Variants in PCDH11X observed in about 807,000 individuals in gnomAD.
The protein encoded by PCDH11X is protocadherin-11 X-linked.
In PCDH11X, 18 loss-of-function variants were observed where a neutral mutation model predicts 53.3. The observed-to-expected ratio is 0.34, with a 90% CI of 0.23 to 0.50. The LOEUF (loss-of-function observed/expected upper bound fraction) is 0.50. Among genes scored for constraint, PCDH11X ranks in the 20% least tolerant of loss-of-function variants. The pLI, the probability that PCDH11X is intolerant of heterozygous loss-of-function variation, is 0.98. For synonymous variants in PCDH11X, 279 were observed against 393.3 expected (o/e 0.71, Z 3.44); for missense variants, 570 against 1,032.4 (o/e 0.55, Z 6.14).
At chrX:92,196,671 A>G (rs1006908294) in intron 6 of PCDH11X, among the ~76,000 whole-genome samples, 6 of 111,759 alleles carry the variant, frequency 5.4e-5, no homozygotes, top group African/African-American at 1.9e-4. Context: ...AACAAATTTC[A>G]GGTGCTTCAT....
At chrX:92,269,570 T>A (rs1019398212) in intron 8 of PCDH11X, among the ~76,000 whole-genome samples, 1 of 111,850 alleles carries the variant, frequency 8.9e-6, no homozygotes, top group African/African-American at 3.2e-5. Flanking sequence ...ACAATTTTTG[T>A]AACCTCAATA....
chrX:92,110,050 C>T (rs1366838748), intron 6 of PCDH11X, among the ~76,000 whole-genome samples: 23 of 112,189 alleles, frequency 2.1e-4, no homozygotes, highest in African/African-American at 7.4e-4. Context: ...CTTTAAGTTA[C>T]TTCATAATTG....
Position 91,972,622 on chromosome X carries a change from T to A in PCDH11X, c.3033+93349T>A, listed in dbSNP as rs1398602757. Among the ~76,000 whole-genome samples the A allele has an allele frequency of 1.6e-4, 17 of 106,304 alleles. No homozygotes were observed. In the East Asian group the frequency reaches 3.9e-3, roughly 24 times the overall value. The allele number at this position is 106,304 out of a possible 115,157, so 92.3% of individuals were successfully genotyped here. A position where few individuals can be genotyped will look rare whatever the true frequency, so the allele number is the denominator to read the frequency against. On this transcript the variant is annotated intron_variant, in intron 6 of 10. Transcript: ENST00000682573. ...CTTTAATCCATCTTGAATTGATTTTTGTATAAGGTGTAAGGAAGGGATCCA... is the reference window on the plus strand; with the variant it reads ...CTTTAATCCATCTTGAATTGATTTTAGTATAAGGTGTAAGGAAGGGATCCA...
At chrX:92,286,036 C>T (rs936025421) in intron 8 of PCDH11X, among the ~76,000 whole-genome samples, 4 of 112,038 alleles carry the variant, frequency 3.6e-5, no homozygotes, top group Admixed American at 9.5e-5. Context: ...TTTTCCGCCC[C>T]GGGTGGGCCA....
intron 6 of PCDH11X, among the ~76,000 whole-genome samples, chrX:92,150,833 C>T (rs895014760): frequency 1.7e-4 from 19 of 109,515 alleles, no homozygotes; most frequent in Non-Finnish European, 3.4e-4. Flanking sequence ...TTTCACGTTC[C>T]AATTATTTGG....
intron 4 of PCDH11X, among the ~76,000 whole-genome samples, chrX:91,823,533 C>T (rs144838956): frequency 0.12 from 13,651 of 110,549 alleles, 2,081 homozygotes; most frequent in African/African-American, 0.42. Flanking sequence ...CTTGGTAGAT[C>T]TTCCTCTATC....
At chrX:91,933,471 T>C (rs1168435067) in intron 6 of PCDH11X, among the ~76,000 whole-genome samples, 1 of 111,468 alleles carries the variant, frequency 9.0e-6, no homozygotes, top group Non-Finnish European at 1.9e-5. Flanking sequence ...CTACAATGCA[T>C]TTTTTCAACC....
intron 5 of PCDH11X, among the ~76,000 whole-genome samples, chrX:91,846,222 A>T (rs937980372): frequency 8.9e-6 from 1 of 112,057 alleles, no homozygotes; most frequent in African/African-American, 3.2e-5. Flanking sequence ...GAATTTAGTG[A>T]CACAATTATT....
chrX:92,286,623 A>T (rs1367863133), intron 8 of PCDH11X, among the ~76,000 whole-genome samples: 1 of 92,177 alleles, frequency 1.1e-5, no homozygotes, highest in African/African-American at 4.0e-5. Context: ...TTTTGAACTG[A>T]TGACTAGATG....
chrX:91,930,698 C>A (rs1327605591), intron 6 of PCDH11X, among the ~76,000 whole-genome samples: 1 of 104,442 alleles, frequency 9.6e-6, no homozygotes, highest in Non-Finnish European at 2.0e-5. Flanking sequence ...CAAGCAGTAG[C>A]ACATTTAGGA....
intron 10 of PCDH11X, among the ~76,000 whole-genome samples, chrX:92,506,637 T>C (rs1248331636): frequency 6.5e-5 from 3 of 46,075 alleles, no homozygotes; most frequent in Non-Finnish European, 1.5e-4. Flanking sequence ...AGTTTGCTAG[T>C]TTTTTTTTTT....
intron 6 of PCDH11X, among the ~76,000 whole-genome samples, chrX:92,097,242 C>T (rs922692103): frequency 9.1e-6 from 1 of 109,299 alleles, no homozygotes; most frequent in Non-Finnish European, 1.9e-5. Context: ...CATACGGAGA[C>T]CCATCTCTAC....
intron 10 of PCDH11X, among the ~76,000 whole-genome samples, chrX:92,608,201 A>G (rs1927014978): frequency 1.1e-5 from 1 of 88,678 alleles, no homozygotes; most frequent in Non-Finnish European, 2.1e-5. Context: ...AGAAAAAGAG[A>G]ATTTTTTTTT....
intron 6 of PCDH11X, among the ~76,000 whole-genome samples, chrX:92,184,306 C>G (rs1285528610): frequency 8.9e-6 from 1 of 111,970 alleles, no homozygotes; most frequent in Non-Finnish European, 1.9e-5. Flanking sequence ...CATTTCAAGA[C>G]TGTGGTTGCA....
intron 10 of PCDH11X, among the ~76,000 whole-genome samples, chrX:92,551,558 A>T (rs1354657354): frequency 9.4e-6 from 1 of 106,239 alleles, no homozygotes; most frequent in African/African-American, 3.4e-5. Context: ...GAAGCTTTTT[A>T]ACTTAATGTG....
intron 10 of PCDH11X, among the ~76,000 whole-genome samples, chrX:92,484,109 TATATATATA>T (rs756004882): frequency 0.12 from 12,248 of 98,504 alleles, 936 homozygotes; most frequent in East Asian, 0.43. Flanking sequence ...TGTGTGTGTG[TATATATATA>T]GTATATATAT....
At chrX:92,232,855 A>G (rs1462036728) in intron 7 of PCDH11X, among the ~76,000 whole-genome samples, 1 of 111,351 alleles carries the variant, frequency 9.0e-6, no homozygotes. Context: ...AGCTGGGACT[A>G]TAGGCGCCCG....
intron 5 of PCDH11X, among the ~76,000 whole-genome samples, chrX:91,853,465 A>T (rs968873216): frequency 1.8e-5 from 2 of 109,137 alleles, no homozygotes; most frequent in African/African-American, 6.7e-5. Context: ...ACATATGAGT[A>T]TATTGGTATA....
chrX:91,816,106 T>C (rs1000319270), intron 4 of PCDH11X, among the ~76,000 whole-genome samples: 5 of 110,546 alleles, frequency 4.5e-5, no homozygotes, highest in African/African-American at 1.7e-4. Context: ...CCAGCCTGGG[T>C]AATAGAGCAA....
Sources: gnomAD v4.1 joint callset for allele counts (sites outside exome capture counted in the v4.1 genomes callset) on GRCh38, gnomAD v4.1.1 for gene constraint, MANE v1.5 for transcripts, NCBI Gene and HGNC (gene_info 2026-07-23, HGNC 2026-07-21) for gene names.